Variants in CNBD2 observed in about 807,000 individuals in gnomAD.
CNBD2 encodes cyclic nucleotide binding domain containing 2.
In CNBD2, 64 loss-of-function variants were observed where a neutral mutation model predicts 63.7. The ratio of observed to expected loss-of-function variants is 1.00; its 90% CI spans 0.82 to 1.24. The LOEUF (loss-of-function observed/expected upper bound fraction) is 1.24. CNBD2 is among the 50% of genes most tolerant of loss of function. CNBD2 has a pLI of 0.00. For missense variants in CNBD2, 691 were observed against 713.5 expected, an observed-to-expected ratio of 0.97 and a Z score of 0.36; for synonymous variants, 229 against 255.4, an observed-to-expected ratio of 0.90 and a Z score of 0.99.
intron 6 of CNBD2, among the ~76,000 whole-genome samples, chr20:35,985,572 G>A (rs963807626): frequency 2.7e-5 from 4 of 148,780 alleles, no homozygotes; most frequent in African/African-American, 1.0e-4. Context: ...TGCAACCTCC[G>A]CCTCCTGGGT....
At chr20:36,001,771 A>C (rs965283650) in intron 8 of CNBD2, among the ~76,000 whole-genome samples, 8 of 142,208 alleles carry the variant, frequency 5.6e-5, no homozygotes, top group Non-Finnish European at 1.1e-4. Context: ...GTGGCGGGGC[A>C]GAGGCGCTCC....
At position 35,972,686 on chromosome 20, in the gene CNBD2, C is replaced by T. The variant is rs539557197; in HGVS notation, c.109C>T (p.Arg37Cys). Residue 37 changes from arginine to cysteine, a missense_variant, in exon 2 of 12, where the codon CGC (arginine) becomes TGC (cysteine). Physicochemically the swap from Arg to Cys is radical, Grantham distance 180. Coordinates refer to ENST00000373973, the MANE Select transcript of CNBD2 (RefSeq NM_001365709.1). ...AATGATCCGAGTGTGTAAAATGTTC[C>T]GCCAAGGCCTCAGGGGATTCCGGGA... is the stretch of plus-strand genomic sequence containing the variant. ...IIMIRVCKMF[R>C]QGLRGFREYQ... The T allele has an allele frequency of 4.5e-5, 73 of 1,613,898 alleles. 2 individuals carry two copies. The South Asian group carries it at 5.5e-4, about 12-fold the overall frequency.
upstream of CNBD2, among the ~76,000 whole-genome samples, chr20:35,967,796 T>G (rs960849614): frequency 1.2e-4 from 19 of 152,074 alleles, no homozygotes; most frequent in Non-Finnish European, 2.6e-4. Flanking sequence ...GAGGTTGCAG[T>G]GAGCTGAGAT....
At chr20:35,981,261 G>C (rs560220443) in intron 4 of CNBD2, among the ~76,000 whole-genome samples, 1 of 152,190 alleles carries the variant, frequency 6.6e-6, no homozygotes, top group Non-Finnish European at 1.5e-5. Context: ...TCCCAAAAAT[G>C]TTGGTTGAGC....
chr20:36,012,575 C>T (rs1239955085), intron 10 of CNBD2, among the ~76,000 whole-genome samples: 2 of 151,886 alleles, frequency 1.3e-5, no homozygotes, highest in East Asian at 1.9e-4. Flanking sequence ...CATCGTGGCT[C>T]ACGCCTGTAA....
intron 4 of CNBD2, among the ~76,000 whole-genome samples, 195 bp from the exon 5 acceptor site, chr20:35,983,787 C>A (rs1405119323): frequency 6.6e-6 from 1 of 152,202 alleles, no homozygotes; most frequent in African/African-American, 2.4e-5. Flanking sequence ...TCAGTTCAAC[C>A]GAGGCAGGCA....
intron 5 of CNBD2, 96 bp from the exon 6 acceptor site, chr20:35,984,531 T>A: frequency 7.5e-7 from 1 of 1,336,692 alleles, no homozygotes; most frequent in Non-Finnish European, 1.0e-6. Flanking sequence ...GAGGAGAGAA[T>A]TCAGGGGGAA....
chr20:36,002,014 C>T (rs1230883411), intron 8 of CNBD2, among the ~76,000 whole-genome samples: 2 of 152,228 alleles, frequency 1.3e-5, no homozygotes, highest in Non-Finnish European at 2.9e-5. Flanking sequence ...GCAGAGGCTG[C>T]ACTCTCGGCA....
At chr20:35,961,563 C>T (rs2056309261) in intron 2 of CNBD2, among the ~76,000 whole-genome samples, 1 of 151,912 alleles carries the variant, frequency 6.6e-6, no homozygotes, top group Non-Finnish European at 1.5e-5. Flanking sequence ...CTTTCATCTG[C>T]CATTTGTTTT....
chr20:35,968,650 G>A lies in CNBD2; in HGVS notation c.-113G>A. 2 of 736,158 alleles carry A rather than the reference G, an allele frequency of 2.7e-6. No individual in the cohort carries two copies. The highest frequency in any genetic ancestry group is 3.3e-5 in the South Asian group (2 of 61,028). 45.6% of individuals were successfully genotyped at this position (736,158 alleles called of 1,614,324 possible). A position where few individuals can be genotyped will look rare whatever the true frequency, so the allele number is the denominator to read the frequency against. ...AGGAGTGGAGTGGAGCTCTTGCCTTGTTACTGAGGAAATCTATTTGTTTCT... is the reference window on the plus strand; with the variant it reads ...AGGAGTGGAGTGGAGCTCTTGCCTTATTACTGAGGAAATCTATTTGTTTCT... On this transcript the variant is annotated 5_prime_UTR_variant, in exon 1 of 12. Coordinates refer to ENST00000373973, the MANE Select transcript of CNBD2 (RefSeq NM_001365709.1).
intron 9 of CNBD2, 124 bp downstream of exon 9, chr20:36,008,598 A>G (rs2147321895): frequency 1.0e-6 from 1 of 968,190 alleles, no homozygotes; most frequent in East Asian, 2.7e-5. Context: ...GTCAATCCCA[A>G]AGGATTGTGC....
chr20:36,019,758 G>A (rs1366302750), intron 10 of CNBD2, among the ~76,000 whole-genome samples: 2 of 152,058 alleles, frequency 1.3e-5, no homozygotes, highest in African/African-American at 4.8e-5. Flanking sequence ...GGCGGCATGA[G>A]ATTTATTTGA....
In CNBD2 at chr20:35,995,101, T is replaced by A; in HGVS notation, c.919T>A (p.Trp307Arg). 1 of 1,614,124 alleles carries A rather than the reference T, an allele frequency of 6.2e-7. No individual in the cohort carries two copies. The highest frequency in any genetic ancestry group is 2.2e-5 in the East Asian group (1 of 44,882). Residue 307 changes from tryptophan to arginine, a missense_variant, in exon 8 of 12, where the codon TGG becomes AGG. Coordinates refer to ENST00000373973, the MANE Select transcript of CNBD2 (RefSeq NM_001365709.1). The part of the protein sequence containing the change: ...GASPSYRRWI[W>R]QHLELIDGRP... ...CTCCCCTTCCTACCGTAGATGGATC[T>A]GGCAGCACCTGGAGCTGATAGATGG...
chr20:35,963,085 T>TCTAATCCC (rs1206518199), intron 2 of CNBD2, among the ~76,000 whole-genome samples: 49 of 152,300 alleles, frequency 3.2e-4, no homozygotes, highest in African/African-American at 1.2e-3. Flanking sequence ...GGCTCACATC[T>TCTAATCCC]CTAATCCCAG....
Position 36,008,389 on chromosome 20 carries a change from GC to G in CNBD2, c.1065del (p.Trp356GlyfsTer39). 6.2e-7 allele frequency: 1 copy of G among 1,614,054 alleles called. No individual in the cohort carries two copies. The highest frequency in any genetic ancestry group is 8.5e-7 in the Non-Finnish European group (1 of 1,180,008). On this transcript the variant is annotated frameshift_variant, in exon 9 of 12. Coordinates refer to ENST00000373973, the MANE Select transcript of CNBD2 (RefSeq NM_001365709.1). LOFTEE classifies it high-confidence loss of function. ...CTTGAAACTTCCACATCTCAAAAAA[GC>G]CTGGGGGCTACAGGGGACAAGCTTC... Reference protein sequence around the residue: ...SSLKLPHLKKAWGLQGTSFSR... With the variant: ...SSLKLPHLKKXWGLQGTSFSR...
chr20:36,017,599 G>A (rs2057152506), intron 10 of CNBD2, among the ~76,000 whole-genome samples: 1 of 152,108 alleles, frequency 6.6e-6, no homozygotes, highest in Admixed American at 6.5e-5. Context: ...TCCTCTCCCT[G>A]CCCTGTTCCC....
intron 6 of CNBD2, among the ~76,000 whole-genome samples, 167 bp from the exon 7 acceptor site, chr20:35,987,228 C>T (rs770515679): frequency 4.6e-5 from 7 of 152,136 alleles, no homozygotes; most frequent in African/African-American, 7.2e-5. Context: ...AAGGTGATAG[C>T]AGGTAGGAGA....
At chr20:35,994,051 G>GT (rs111682277) in intron 7 of CNBD2, among the ~76,000 whole-genome samples, 12,851 of 147,602 alleles carry the variant, frequency 0.087, 851 homozygotes, top group African/African-American at 0.19. Context: ...GGCTAATTTT[G>GT]TTTTTTTTTG....
chr20:35,955,935 G>A (rs2056252189), downstream of CNBD2, among the ~76,000 whole-genome samples: 1 of 152,118 alleles, frequency 6.6e-6, no homozygotes, highest in South Asian at 2.1e-4. Context: ...TGGCCAGACT[G>A]GTCTCGAACT....
Sources: gnomAD v4.1 joint callset for allele counts (sites outside exome capture counted in the v4.1 genomes callset) on GRCh38, gnomAD v4.1.1 for gene constraint, MANE v1.5 for transcripts, NCBI Gene and HGNC (gene_info 2026-07-23, HGNC 2026-07-21) for gene names.